The following WWTR1 variants were observed in gnomAD, a reference collection of about 807,000 sequenced individuals.
The protein encoded by WWTR1 is WW domain containing transcription regulator 1.
Under a neutral mutation model 40.1 loss-of-function variants are expected in WWTR1, and 13 were observed. That is an observed-to-expected ratio of 0.32 (90% CI 0.21 to 0.52). The LOEUF (loss-of-function observed/expected upper bound fraction) is 0.52, where lower values mean the gene tolerates loss of function less well. WWTR1 is among the 20% of genes least tolerant of loss of function. The probability of loss-of-function intolerance (pLI) is 0.97; values close to 1 mark genes in which losing one functional copy is unlikely to be tolerated. For missense variants in WWTR1, 436 were observed against 523.1 expected (o/e 0.83, Z 1.63); for synonymous variants, 230 against 210.1 (o/e 1.09, Z -0.82).
chr3:149,648,349 C>T (rs904848991), intron 2 of WWTR1, among the ~76,000 whole-genome samples: 5 of 152,110 alleles, frequency 3.3e-5, no homozygotes, highest in Non-Finnish European at 7.3e-5. Flanking sequence ...AGGCACTGTG[C>T]TCAAGTTAAG....
At chr3:149,697,203 G>T (rs970776833) in intron 1 of WWTR1, among the ~76,000 whole-genome samples, 3 of 152,200 alleles carry the variant, frequency 2.0e-5, no homozygotes, top group Non-Finnish European at 2.9e-5. Context: ...ACCAACATCT[G>T]CTCAGCTTCT....
intron 1 of WWTR1, among the ~76,000 whole-genome samples, chr3:149,699,292 CTTT>C (rs35576449): frequency 1.1e-4 from 15 of 131,726 alleles, no homozygotes; most frequent in Non-Finnish European, 1.6e-4. Context: ...GGTCATCATT[CTTT>C]TTTTTTTTTT....
rs1221644029 is a variant in WWTR1 at position 149,603,114 on chromosome 3, G to C, written c.432-30114C>G. 3.9e-5 allele frequency among the ~76,000 whole-genome samples: 6 copies of C among 152,266 alleles called. No individual in the cohort carries two copies. In the East Asian group the frequency reaches 1.2e-3, roughly 29 times the overall value. ...GAATTTTTAAGATCTGATAAGAGGA[G>C]ACTCTAAAGTTAATAATGTCTTGCT... is the stretch of plus-strand genomic sequence containing the variant. On this transcript the variant is annotated intron_variant, in intron 2 of 6. Transcript: ENST00000360632.
At chr3:149,593,881 C>T (rs1370006720) in intron 2 of WWTR1, among the ~76,000 whole-genome samples, 1 of 152,166 alleles carries the variant, frequency 6.6e-6, no homozygotes, top group African/African-American at 2.4e-5. Context: ...TGTATGGCTT[C>T]TCTACTTCGT....
intron 2 of WWTR1, among the ~76,000 whole-genome samples, chr3:149,623,902 T>C (rs1740429372): frequency 6.6e-6 from 1 of 152,214 alleles, no homozygotes. Flanking sequence ...TTGGCAATGT[T>C]GTGCTCTCTT....
intron 4 of WWTR1, chr3:149,540,409 G>A (rs1736039342): frequency 2.6e-6 from 1 of 389,298 alleles, no homozygotes. Flanking sequence ...AAAGAAGGAG[G>A]AGAAGCAAGA....
rs1738137514 is a variant in WWTR1 at position 149,581,132 on chromosome 3, C to A, written c.432-8132G>T. On this transcript the variant is annotated intron_variant, in intron 2 of 6. Transcript: ENST00000360632. ...TCCCACGTTGTCATTCTTTCTACCA[C>A]CCTAATTAATAATTCTTTGTCCCAA... Among the ~76,000 whole-genome samples the A allele has an allele frequency of 2.0e-5, 3 of 152,154 alleles. No homozygotes were observed. The South Asian group carries it at 6.2e-4, about 31-fold the overall frequency.
intron 2 of WWTR1, among the ~76,000 whole-genome samples, chr3:149,647,506 C>T (rs567657195): frequency 1.3e-5 from 2 of 152,122 alleles, no homozygotes; most frequent in African/African-American, 2.4e-5. Flanking sequence ...GAGAAAGTAC[C>T]GAAAACCACA....
At chr3:149,629,070 T>C (rs1162354955) in intron 2 of WWTR1, among the ~76,000 whole-genome samples, 1 of 152,206 alleles carries the variant, frequency 6.6e-6, no homozygotes, top group Non-Finnish European at 1.5e-5. Flanking sequence ...ACTGTGCCCA[T>C]CTCATTCTTC....
chr3:149,712,396 C>T (rs566041957), intron 5 of WWTR1, among the ~76,000 whole-genome samples: 1 of 152,146 alleles, frequency 6.6e-6, no homozygotes, highest in Non-Finnish European at 1.5e-5. Flanking sequence ...AAAAAATTAT[C>T]ATTTCTCTAA....
intron 1 of WWTR1, among the ~76,000 whole-genome samples, chr3:149,672,076 T>C (rs1010828544): frequency 6.6e-6 from 1 of 152,144 alleles, no homozygotes; most frequent in Non-Finnish European, 1.5e-5. Context: ...GGGCCTATTT[T>C]TGTGTGCTCT....
intron 3 of WWTR1, among the ~76,000 whole-genome samples, chr3:149,572,195 G>C (rs1303240314): frequency 6.6e-6 from 1 of 152,080 alleles, no homozygotes; most frequent in Non-Finnish European, 1.5e-5. Context: ...ATAAACTGGA[G>C]AGCCTGCTAC....
chr3:149,629,307 C>A (rs1432649349), intron 2 of WWTR1, among the ~76,000 whole-genome samples: 1 of 134,102 alleles, frequency 7.5e-6, no homozygotes, highest in Non-Finnish European at 1.6e-5. Flanking sequence ...GTCCCTCAGG[C>A]TCACAAAAGT....
At chr3:149,522,966 T>C (rs1434186457) in intron 6 of WWTR1, among the ~76,000 whole-genome samples, 2 of 151,700 alleles carry the variant, frequency 1.3e-5, no homozygotes, top group Non-Finnish European at 2.9e-5. Flanking sequence ...CTCAGGAGGC[T>C]GAGGCCCGAG....
intron 1 of WWTR1, among the ~76,000 whole-genome samples, chr3:149,688,301 C>T (rs1714716262): frequency 6.6e-6 from 1 of 152,008 alleles, no homozygotes; most frequent in Admixed American, 6.6e-5. Flanking sequence ...AATAGCCAGG[C>T]AATAATTGAC....
intron 2 of WWTR1, among the ~76,000 whole-genome samples, chr3:149,605,538 G>A (rs962450537): frequency 3.9e-5 from 6 of 152,172 alleles, no homozygotes; most frequent in African/African-American, 1.2e-4. Flanking sequence ...GAGCAAGTTC[G>A]AGAGTGAGAT....
At chr3:149,552,551 A>G (rs1027222839) in intron 3 of WWTR1, among the ~76,000 whole-genome samples, 1 of 152,218 alleles carries the variant, frequency 6.6e-6, no homozygotes, top group Non-Finnish European at 1.5e-5. Context: ...ATAGGGGAAT[A>G]TCCAAAGGGT....
chr3:149,535,343 C>T (rs567900727), intron 4 of WWTR1, among the ~76,000 whole-genome samples: 6 of 151,664 alleles, frequency 4.0e-5, no homozygotes, highest in South Asian at 2.1e-4. Flanking sequence ...GAGAGAATGC[C>T]GAATTATTTA....
intron 1 of WWTR1, among the ~76,000 whole-genome samples, chr3:149,689,571 C>A (rs1405462907): frequency 1.3e-5 from 2 of 151,742 alleles, no homozygotes; most frequent in Admixed American, 6.6e-5. Context: ...GGCCGGGAAA[C>A]AATGGCATGA....
Sources: gnomAD v4.1 joint callset for allele counts (sites outside exome capture counted in the v4.1 genomes callset) on GRCh38, gnomAD v4.1.1 for gene constraint, MANE v1.5 for transcripts, NCBI Gene and HGNC (gene_info 2026-07-23, HGNC 2026-07-21) for gene names.